Variants in PRDM16 observed in about 807,000 individuals in gnomAD.
PRDM16 encodes histone-lysine N-methyltransferase PRDM16.
Under a neutral mutation model 110.6 loss-of-function variants are expected in PRDM16, and 23 were observed. The ratio of observed to expected loss-of-function variants is 0.21; its 90% confidence interval spans 0.15 to 0.29. The LOEUF (loss-of-function observed/expected upper bound fraction) is 0.29, where lower values mean the gene tolerates loss of function less well. Among genes scored for constraint, PRDM16 ranks in the 10% least tolerant of loss-of-function variants. PRDM16 has a pLI of 1.00. For synonymous variants in PRDM16, 799 were observed against 781.8 expected, an observed-to-expected ratio of 1.02 and a Z score of -0.37; for missense variants, 1,615 against 1,794.3, an observed-to-expected ratio of 0.90 and a Z score of 1.81.
At chr1:3,176,880 C>T (rs1644097261) in intron 1 of PRDM16, among the ~76,000 whole-genome samples, 1 of 151,942 alleles carries the variant, frequency 6.6e-6, no homozygotes, top group Non-Finnish European at 1.5e-5. Context: ...ATCCATTCTT[C>T]CTTCCTTCCG....
chr1:3,376,246 G>T (rs1189874023), intron 3 of PRDM16, among the ~76,000 whole-genome samples: 1 of 152,176 alleles, frequency 6.6e-6, no homozygotes, highest in Non-Finnish European at 1.5e-5. Flanking sequence ...CTAGATTTTC[G>T]AAGGTGTCTG....
intron 2 of PRDM16, among the ~76,000 whole-genome samples, chr1:3,196,785 G>A (rs918171895): frequency 7.9e-5 from 12 of 152,312 alleles, no homozygotes; most frequent in South Asian, 2.1e-4. Flanking sequence ...AAAGGGGCCC[G>A]CCCTGAACTT....
chr1:3,411,999 G>T lies in PRDM16; in HGVS notation c.1802G>T (p.Gly601Val). The stretch of plus-strand genomic sequence containing the variant: ...ACCAGGAGCAGCGACATGTCGGACG[G>T]CAGTGACTTTGAGGACGTCAACACC... ...LKTRSSDMSD[G>V]SDFEDVNTTT... is the part of the protein sequence containing the mutation. Residue 601 changes from glycine (G) to valine (V), a missense_variant, in exon 9 of 17, where the codon GGC becomes GTC. Transcript: ENST00000270722. 6.2e-7 allele frequency: 1 copy of T among 1,613,652 alleles called. No homozygotes were observed. The highest frequency in any genetic ancestry group is 8.5e-7 in the Non-Finnish European group (1 of 1,179,982).
chr1:3,246,388 C>A lies in PRDM16; in HGVS notation c.438+2251C>A, dbSNP rs1639790801. 6.6e-6 allele frequency among the ~76,000 whole-genome samples: 1 copy of A among 152,214 alleles called. No homozygotes were observed. The highest frequency in any genetic ancestry group is 2.4e-5 in the African/African-American group (1 of 41,466). On this transcript the variant is annotated intron_variant, in intron 3 of 16. Transcript: ENST00000270722. The surrounding 1 kb of genome is among the most constrained non-coding windows in gnomAD (Gnocchi z 5.2). ...TGAGGAGTCTCAGGTTCCGCCATCCCACGGAATCAGAGCAGACCCGATGCA... is the reference window on the plus strand; with the variant it reads ...TGAGGAGTCTCAGGTTCCGCCATCCAACGGAATCAGAGCAGACCCGATGCA...
chr1:3,363,028 G>A (rs1642745303), intron 3 of PRDM16, among the ~76,000 whole-genome samples: 2 of 152,232 alleles, frequency 1.3e-5, no homozygotes, highest in African/African-American at 2.4e-5. Context: ...CCAGGGAGCA[G>A]AGAGAAGGAC....
chr1:3,163,637 C>T lies in PRDM16; in HGVS notation c.38-22488C>T, dbSNP rs375890838. Among the ~76,000 whole-genome samples the T allele has an allele frequency of 4.0e-4, 60 of 151,642 alleles. 1 individual carries two copies. Among genetic ancestry groups the T allele is most frequent in the Non-Finnish European group, 7.5e-4 (51 of 68,022 alleles). On this transcript the variant is annotated intron_variant, in intron 1 of 16. Coordinates refer to ENST00000270722, the MANE Select transcript of PRDM16 (RefSeq NM_022114.4). ...AGTCTGGGATCAGCTGTGGGCGGGG[C>T]GGTCCTTTGGAGGCTCTGAGAACCC...
intron 3 of PRDM16, among the ~76,000 whole-genome samples, chr1:3,264,036 C>T (rs1405021048): frequency 6.6e-6 from 1 of 152,166 alleles, no homozygotes; most frequent in African/African-American, 2.4e-5. Context: ...GACTCCTGGC[C>T]ATCTTCCACA....
intron 15 of PRDM16, among the ~76,000 whole-genome samples, chr1:3,431,685 T>G (rs1262193976): frequency 6.6e-6 from 1 of 152,186 alleles, no homozygotes; most frequent in African/African-American, 2.4e-5. Context: ...AATTGAAGCC[T>G]TCTTCTCCAC....
intron 3 of PRDM16, chr1:3,307,697 G>T (rs748373649): frequency 6.6e-6 from 1 of 152,070 alleles, no homozygotes; most frequent in African/African-American, 2.4e-5. Context: ...ATTTTTCAGG[G>T]CTCCATGAGC....
intron 2 of PRDM16, among the ~76,000 whole-genome samples, chr1:3,241,324 G>T (rs987173802): frequency 2.6e-5 from 4 of 152,260 alleles, no homozygotes; most frequent in African/African-American, 9.6e-5. Context: ...CTCTTCCGTG[G>T]TTCCACGCTG....
intron 1 of PRDM16, among the ~76,000 whole-genome samples, chr1:3,161,666 G>T (rs949315664): frequency 6.6e-6 from 1 of 152,234 alleles, no homozygotes; most frequent in Non-Finnish European, 1.5e-5. Flanking sequence ...AGGCCGGTCA[G>T]CAGAGAGGGC....
chr1:3,260,223 G>A (rs1640129800), intron 3 of PRDM16, among the ~76,000 whole-genome samples: 1 of 152,240 alleles, frequency 6.6e-6, no homozygotes, highest in South Asian at 2.1e-4. Context: ...GTTCTGGGGG[G>A]CCAGGCCCCA....
chr1:3,289,431 G>A (rs1435803439), intron 3 of PRDM16, among the ~76,000 whole-genome samples: 2 of 152,204 alleles, frequency 1.3e-5, no homozygotes, highest in African/African-American at 2.4e-5. Flanking sequence ...TGCCTGCAGC[G>A]AGTTCCCACC....
chr1:3,327,513 G>T (rs992650750), intron 3 of PRDM16, among the ~76,000 whole-genome samples: 2 of 152,240 alleles, frequency 1.3e-5, no homozygotes, highest in African/African-American at 4.8e-5. Context: ...CCCGGGCAGG[G>T]ATTCTGTTGC....
chr1:3,173,747 T>A (rs943919083), intron 1 of PRDM16, among the ~76,000 whole-genome samples: 3 of 152,160 alleles, frequency 2.0e-5, no homozygotes, highest in Non-Finnish European at 4.4e-5. Context: ...GTGGGGTGAA[T>A]GGCAGTCACA....
chr1:3,152,114 T>G (rs1643785262), intron 1 of PRDM16, among the ~76,000 whole-genome samples: 1 of 152,194 alleles, frequency 6.6e-6, no homozygotes, highest in Admixed American at 6.5e-5. Context: ...AGGCTGAGCA[T>G]GGACGTGGCT....
chr1:3,069,921 G>A lies in PRDM16; in HGVS notation c.37+625G>A, dbSNP rs1008403175. ...CAGGGGTGGCGACGGCGGGACAGCC[G>A]CAGCCACTTGGGGAGCAAAATGGAG... On this transcript the variant is annotated intron_variant, in intron 1 of 16. Transcript: ENST00000270722. The surrounding 1 kb of genome is among the most constrained non-coding windows in gnomAD (Gnocchi z 6.1). 4.6e-5 allele frequency among the ~76,000 whole-genome samples: 7 copies of A among 151,880 alleles called. No individual in the cohort carries two copies. The highest frequency in any genetic ancestry group is 1.0e-4 in the Non-Finnish European group (7 of 67,952).
intron 3 of PRDM16, among the ~76,000 whole-genome samples, chr1:3,268,596 G>A (rs1263520217): frequency 6.6e-6 from 1 of 152,094 alleles, no homozygotes; most frequent in African/African-American, 2.4e-5. Context: ...CCTATAGCTA[G>A]CTTAAAAAAA....
chr1:3,331,059 C>T (rs1421230609), intron 3 of PRDM16, among the ~76,000 whole-genome samples: 2 of 152,246 alleles, frequency 1.3e-5, no homozygotes, highest in Non-Finnish European at 1.5e-5. Flanking sequence ...CAGGCCCCAC[C>T]GCCCACCCGG....
Sources: gnomAD v4.1 joint callset for allele counts (sites outside exome capture counted in the v4.1 genomes callset) on GRCh38, gnomAD v4.1.1 for gene constraint, Gnocchi (gnomAD v3.1) non-coding constraint, MANE v1.5 for transcripts, NCBI Gene and HGNC (gene_info 2026-07-23, HGNC 2026-07-21) for gene names.